The following TTC23L variants were observed in gnomAD, a reference collection of about 807,000 sequenced individuals.
TTC23L encodes the protein tetratricopeptide repeat domain 23 like.
Under a neutral mutation model 48.1 loss-of-function variants are expected in TTC23L, and 42 were observed. The observed-to-expected ratio is 0.87, with a 90% CI of 0.68 to 1.13. The LOEUF (loss-of-function observed/expected upper bound fraction) is 1.13, where lower values mean the gene tolerates loss of function less well. Ranked by LOEUF, TTC23L falls within the 50% of genes most tolerant of loss-of-function variation. The pLI is 0.00. For synonymous variants in TTC23L, 159 were observed against 157.2 expected (o/e 1.01, Z -0.09); for missense variants, 391 against 421.0 (o/e 0.93, Z 0.62).
the TTC23L span, chr5:34,905,369 C>T: frequency 6.6e-6 from 1 of 152,232 alleles, no homozygotes; most frequent in Non-Finnish European, 1.5e-5. Context: ...GCCTACCCCA[C>T]TGTTGAGAGT....
At chr5:34,920,092 A>G in the TTC23L span, 9 of 370,592 alleles carry the variant, frequency 2.4e-5, no homozygotes, top group Non-Finnish European at 4.4e-5. Flanking sequence ...GAACAAGCAT[A>G]TTGAAATTTC....
intron 3 of TTC23L, among the ~76,000 whole-genome samples, chr5:34,846,576 A>ATATAT (rs1554017309): frequency 2.0e-5 from 2 of 98,346 alleles, no homozygotes; most frequent in Non-Finnish European, 3.7e-5. Context: ...AAAAAAAAAA[A>ATATAT]ATATATATAT....
chr5:34,898,021 T>C (rs924602753), intron 10 of TTC23L, among the ~76,000 whole-genome samples: 3 of 152,220 alleles, frequency 2.0e-5, no homozygotes, highest in African/African-American at 7.2e-5. Flanking sequence ...TTTCTAGCTA[T>C]GGGCAATCCT....
At chr5:34,884,447 C>G (rs1762424454) in intron 9 of TTC23L, among the ~76,000 whole-genome samples, 1 of 151,738 alleles carries the variant, frequency 6.6e-6, no homozygotes, top group Non-Finnish European at 1.5e-5. Context: ...TAAAAAACAT[C>G]CAAATATGAA....
At chr5:34,897,251 A>G (rs1763284298) in intron 10 of TTC23L, among the ~76,000 whole-genome samples, 2 of 151,946 alleles carry the variant, frequency 1.3e-5, no homozygotes, top group African/African-American at 4.8e-5. Flanking sequence ...CGGGCGTGGT[A>G]GCATGCGCCT....
chr5:34,908,122 TAAATA>T, the TTC23L span: 3 of 150,774 alleles, frequency 2.0e-5, no homozygotes, highest in African/African-American at 7.3e-5. Flanking sequence ...TAATAATAAA[TAAATA>T]AAAGATCATT....
chr5:34,862,985 AAG>A lies in TTC23L; in HGVS notation c.470_471del (p.Glu157GlyfsTer45), dbSNP rs779652913. ...GCAAATACGACCTCAAATAAGGAGAAAGAGGAAATCCTGGAAGCTCTGGTCAA... is the reference window on the plus strand; with the variant it reads ...GCAAATACGACCTCAAATAAGGAGAAAGGAAATCCTGGAAGCTCTGGTCAA... On this transcript the variant is annotated frameshift_variant, in exon 5 of 11. Transcript: ENST00000505624. LOFTEE classifies it high-confidence loss of function. The A allele has an allele frequency of 1.4e-5, 22 of 1,613,910 alleles. No homozygotes were observed. In the African/African-American group the frequency reaches 1.7e-4, roughly 13 times the overall value.
chr5:34,915,947 C>T, the TTC23L span: 4 of 1,487,992 alleles, frequency 2.7e-6, no homozygotes, highest in African/African-American at 2.8e-5. Flanking sequence ...CTCTGTGCGC[C>T]TTTTCTTGGG....
chr5:34,922,195 T>G, the TTC23L span: 1 of 1,364,480 alleles, frequency 7.3e-7, no homozygotes, highest in Non-Finnish European at 1.0e-6. Flanking sequence ...TACTTCATTT[T>G]CCTATACTTT....
At chr5:34,916,048 C>A in the TTC23L span, 1 of 911,126 alleles carries the variant, frequency 1.1e-6, no homozygotes. Context: ...CCAGACTGGG[C>A]ACGGAGTTTG....
At chr5:34,906,328 T>C in the TTC23L span, 1 of 152,176 alleles carries the variant, frequency 6.6e-6, no homozygotes. Context: ...TTAAATTCTT[T>C]TTAGATTCAA....
the TTC23L span, among the ~76,000 whole-genome samples, chr5:34,905,093 A>G: frequency 6.6e-6 from 1 of 152,254 alleles, no homozygotes; most frequent in Non-Finnish European, 1.5e-5. Context: ...GTTTCTGTTT[A>G]GAACACTAGC....
At chr5:34,840,734 C>G in exon 2 of TTC23L, 1 of 1,613,738 alleles carries the variant, frequency 6.2e-7, no homozygotes, top group Non-Finnish European at 8.5e-7. Flanking sequence ...ATTTCTGCTT[C>G]CATATGTAAG....
In TTC23L at chr5:34,863,718, A is replaced by G. The variant is rs1205932215; in HGVS notation, c.536+664A>G. 7.9e-5 allele frequency among the ~76,000 whole-genome samples: 12 copies of G among 152,198 alleles called. No homozygotes were observed. The highest frequency in any genetic ancestry group is 1.8e-4 in the Non-Finnish European group (12 of 68,036). ...TAAATCCCCAGAGGGGTACTGTTAT[A>G]TGTGCCTTTCCTCAGAACTGGGGAT... On this transcript the variant is annotated intron_variant, in intron 5 of 10. Coordinates refer to ENST00000505624, the Ensembl canonical transcript of TTC23L. The surrounding 1 kb of genome is among the most constrained non-coding windows in gnomAD (Gnocchi z 4.1).
the TTC23L span, chr5:34,918,793 A>C: frequency 5.1e-6 from 1 of 196,300 alleles, no homozygotes. Context: ...AGTGCTAAGG[A>C]CTGCCACATG....
chr5:34,841,526 G>A (rs1170546990), intron 2 of TTC23L, among the ~76,000 whole-genome samples: 3 of 152,114 alleles, frequency 2.0e-5, no homozygotes, highest in Non-Finnish European at 4.4e-5. Flanking sequence ...GTTTTGTTTT[G>A]TTTCGTTTTT....
At chr5:34,845,855 A>C in intron 3 of TTC23L, 182 bp downstream of exon 3, 1 of 632,882 alleles carries the variant, frequency 1.6e-6, no homozygotes, top group South Asian at 2.1e-5. Flanking sequence ...GGTTCCATGC[A>C]TGGTTCATTG....
intron 3 of TTC23L, among the ~76,000 whole-genome samples, chr5:34,847,264 A>G (rs1334113428): frequency 2.0e-5 from 3 of 152,192 alleles, no homozygotes; most frequent in Non-Finnish European, 4.4e-5. Context: ...TGATTCACAA[A>G]TCCAGGCTAG....
At chr5:34,903,109 A>T (rs1043793542), downstream of TTC23L, among the ~76,000 whole-genome samples, 1 of 152,176 alleles carries the variant, frequency 6.6e-6, no homozygotes, top group Non-Finnish European at 1.5e-5. Context: ...ACACTGTGAA[A>T]TAAAATTTTA....
Sources: gnomAD v4.1 joint callset for allele counts (sites outside exome capture counted in the v4.1 genomes callset) on GRCh38, gnomAD v4.1.1 for gene constraint, Gnocchi (gnomAD v3.1) non-coding constraint, MANE v1.5 for transcripts, NCBI Gene and HGNC (gene_info 2026-07-23, HGNC 2026-07-21) for gene names.